STK3: variants seen among roughly 807,000 people sequenced by gnomAD.
The protein encoded by STK3 is serine/threonine kinase 3, also known as serine/threonine-protein kinase 3.
In STK3, 41 loss-of-function variants were observed where a neutral mutation model predicts 58.0. That is an observed-to-expected ratio of 0.71 (90% CI 0.55 to 0.92). The LOEUF (loss-of-function observed/expected upper bound fraction) is 0.92. Ranked by LOEUF, STK3 falls within the 40% of genes least tolerant of loss-of-function variation. The probability of loss-of-function intolerance (pLI) is 0.00; values close to 1 mark genes in which losing one functional copy is unlikely to be tolerated. For missense variants in STK3, 479 were observed against 602.7 expected, an observed-to-expected ratio of 0.79 and a Z score of 2.15; for synonymous variants, 170 against 191.0, an observed-to-expected ratio of 0.89 and a Z score of 0.91.
chr8:98,634,785 C>T (rs1159383253), intron 6 of STK3, among the ~76,000 whole-genome samples: 1 of 152,100 alleles, frequency 6.6e-6, no homozygotes, highest in Non-Finnish European at 1.5e-5. Flanking sequence ...GTGTTCTCTA[C>T]TGCTGTCTTA....
At chr8:98,624,729 C>T (rs972397253) in intron 6 of STK3, among the ~76,000 whole-genome samples, 20 of 152,024 alleles carry the variant, frequency 1.3e-4, no homozygotes, top group African/African-American at 4.6e-4. Flanking sequence ...TGGCAGATAC[C>T]TGTAATCCCA....
At chr8:98,889,053 A>G (rs1838100098) in intron 1 of STK3, among the ~76,000 whole-genome samples, 1 of 152,194 alleles carries the variant, frequency 6.6e-6, no homozygotes, top group East Asian at 1.9e-4. Context: ...CCAGCCCAAT[A>G]TAACTTAAAA....
intron 3 of STK3, among the ~76,000 whole-genome samples, chr8:98,847,145 C>T (rs1836238379): frequency 6.6e-6 from 1 of 152,136 alleles, no homozygotes; most frequent in African/African-American, 2.4e-5. Context: ...GGGAAAACTG[C>T]TTGAAGCCAA....
intron 10 of STK3, among the ~76,000 whole-genome samples, chr8:98,500,923 C>T (rs932129320): frequency 2.0e-5 from 3 of 152,118 alleles, no homozygotes; most frequent in African/African-American, 7.2e-5. Context: ...GGGTATATAT[C>T]CAGTAATGGG....
At chr8:98,558,187 G>T (rs1264321569) in intron 8 of STK3, among the ~76,000 whole-genome samples, 1 of 152,116 alleles carries the variant, frequency 6.6e-6, no homozygotes, top group Middle Eastern at 3.4e-3. Context: ...AAAAACTGTT[G>T]TGTTCTTACA....
chr8:98,735,663 T>A (rs981670812), intron 4 of STK3, among the ~76,000 whole-genome samples: 21 of 152,186 alleles, frequency 1.4e-4, no homozygotes, highest in African/African-American at 4.8e-4. Flanking sequence ...TTTTTCCTAA[T>A]TCTAGTACCA....
intron 1 of STK3, among the ~76,000 whole-genome samples, chr8:98,781,140 G>C (rs767752446): frequency 4.6e-5 from 7 of 152,184 alleles, no homozygotes; most frequent in Non-Finnish European, 8.8e-5. Flanking sequence ...AGGTCCCCAA[G>C]AGAAGGAGAA....
intron 10 of STK3, among the ~76,000 whole-genome samples, chr8:98,515,956 T>A (rs770902701): frequency 6.6e-6 from 1 of 152,102 alleles, no homozygotes; most frequent in East Asian, 1.9e-4. Context: ...CACTACATAC[T>A]AAGATCTCAA....
At chr8:98,648,316 G>T (rs944693232) in intron 6 of STK3, among the ~76,000 whole-genome samples, 1 of 152,084 alleles carries the variant, frequency 6.6e-6, no homozygotes, top group African/African-American at 2.4e-5. Context: ...TTTAATGGCC[G>T]CATGTTACAA....
At position 98,428,622 on chromosome 8, in the gene STK3, C is replaced by A. The variant is rs1462044926; in HGVS notation, n.483+5505G>T. ...CAATAGCCTGCCCGATTTCCAAATCCCTGACAGCCAGGGCAACCCTGGCGA... is the reference window on the plus strand; with the variant it reads ...CAATAGCCTGCCCGATTTCCAAATCACTGACAGCCAGGGCAACCCTGGCGA... On this transcript the variant is annotated intron_variant and non_coding_transcript_variant, in intron 3 of 3. Transcript: ENST00000517832. The surrounding 1 kb of genome is among the most constrained non-coding windows in gnomAD (Gnocchi z 6.7). The A allele has an allele frequency of 6.2e-7, 1 of 1,614,058 alleles. No individual in the cohort carries two copies. The highest frequency in any genetic ancestry group is 8.5e-7 in the Non-Finnish European group (1 of 1,180,038).
At chr8:98,672,596 GT>G in intron 6 of STK3, among the ~76,000 whole-genome samples, 1 of 151,988 alleles carries the variant, frequency 6.6e-6, no homozygotes, top group African/African-American at 2.4e-5. Context: ...TTTGGGTTTT[GT>G]TTTTTTCCTG....
intron 1 of STK3, among the ~76,000 whole-genome samples, chr8:98,919,417 A>C (rs1839468852): frequency 6.6e-6 from 1 of 152,226 alleles, no homozygotes; most frequent in African/African-American, 2.4e-5. Flanking sequence ...AACCGCTGTC[A>C]GTTCTAAAAC....
At chr8:98,372,582 C>T (rs1817622771) in intron 2 of STK3, among the ~76,000 whole-genome samples, 1 of 149,470 alleles carries the variant, frequency 6.7e-6, no homozygotes, top group African/African-American at 2.5e-5. Flanking sequence ...GAACATCCTT[C>T]ACTGACGTGA....
chr8:98,444,634 A>C (rs1212822114), intron 1 of STK3, among the ~76,000 whole-genome samples: 6 of 152,182 alleles, frequency 3.9e-5, no homozygotes, highest in African/African-American at 1.4e-4. Flanking sequence ...CCGGGTTTCT[A>C]GCATTAGTGA....
chr8:98,686,958 G>A (rs1824046080), intron 6 of STK3, among the ~76,000 whole-genome samples: 1 of 152,100 alleles, frequency 6.6e-6, no homozygotes. Flanking sequence ...TGACTTACTG[G>A]CATTCCTGAG....
intron 9 of STK3, among the ~76,000 whole-genome samples, chr8:98,542,809 T>G (rs919280851): frequency 1.3e-5 from 2 of 152,200 alleles, no homozygotes; most frequent in Non-Finnish European, 2.9e-5. Flanking sequence ...CCTGCACATA[T>G]ACACACAACA....
intron 6 of STK3, among the ~76,000 whole-genome samples, chr8:98,648,032 T>A (rs570594166): frequency 1.7e-4 from 26 of 152,302 alleles, no homozygotes; most frequent in Non-Finnish European, 3.2e-4. Flanking sequence ...TGAATCTTTT[T>A]CCATCCCTCC....
At chr8:98,908,817 TG>T (rs1049548958) in intron 1 of STK3, among the ~76,000 whole-genome samples, 1 of 121,746 alleles carries the variant, frequency 8.2e-6, no homozygotes, top group Non-Finnish European at 1.6e-5. Flanking sequence ...CATTCCAGCC[TG>T]GGGGACAAGA....
chr8:98,901,352 G>A (rs1188158186), intron 1 of STK3, among the ~76,000 whole-genome samples: 2 of 152,164 alleles, frequency 1.3e-5, no homozygotes, highest in African/African-American at 4.8e-5. Context: ...CTTAACTAGA[G>A]GCTTCTCCTT....
Sources: allele counts gnomAD v4.1 joint callset (sites outside exome capture counted in the v4.1 genomes callset), GRCh38; gene constraint gnomAD v4.1.1; non-coding constraint Gnocchi (gnomAD v3.1); transcripts MANE v1.5; gene names NCBI Gene and HGNC (gene_info 2026-07-23, HGNC 2026-07-21).